The following POLR3B variants were observed in gnomAD, a reference collection of about 807,000 sequenced individuals.
POLR3B encodes the protein RNA polymerase III subunit B.
POLR3B carries 96 observed loss-of-function variants against 147.4 expected under a neutral mutation model. The observed-to-expected ratio is 0.65, with a 90% CI of 0.55 to 0.77. The LOEUF (loss-of-function observed/expected upper bound fraction) is 0.77. POLR3B is among the 30% of genes least tolerant of loss of function. The probability of loss-of-function intolerance (pLI) is 0.00; values close to 1 mark genes in which losing one functional copy is unlikely to be tolerated. For synonymous variants in POLR3B, 461 were observed against 485.9 expected, an observed-to-expected ratio of 0.95 and a Z score of 0.67; for missense variants, 1,036 against 1,413.5, an observed-to-expected ratio of 0.73 and a Z score of 4.28.
intron 10 of POLR3B, among the ~76,000 whole-genome samples, chr12:106,394,799 G>A (rs1379236638): frequency 6.6e-6 from 1 of 152,162 alleles, no homozygotes; most frequent in Non-Finnish European, 1.5e-5. Context: ...CCTTTTCCTC[G>A]AAAGGGAAGT....
chr12:106,444,890 A>G lies in POLR3B; in HGVS notation c.2083+300A>G, dbSNP rs2037701490. Among the ~76,000 whole-genome samples the G allele has an allele frequency of 3.3e-5, 5 of 152,212 alleles. 1 individual carries two copies. In the South Asian group the frequency reaches 8.3e-4, roughly 25 times the overall value. On this transcript the variant is annotated intron_variant, in intron 19 of 27. Coordinates refer to ENST00000228347, the MANE Select transcript of POLR3B (RefSeq NM_018082.6). ...GGATAAATATAAAGAGAAAAGCCCT[A>G]TAAGATGTAACTTGTTAACCTTGAG... is the stretch of plus-strand genomic sequence containing the variant.
At chr12:106,499,322 A>G (rs1345021797) in intron 25 of POLR3B, among the ~76,000 whole-genome samples, 1 of 152,164 alleles carries the variant, frequency 6.6e-6, no homozygotes. Flanking sequence ...AAAGAATTGG[A>G]TGGGTTATAT....
chr12:106,430,623 C>A, intron 14 of POLR3B, 150 bp downstream of exon 14: 2 of 701,378 alleles, frequency 2.9e-6, no homozygotes, highest in South Asian at 1.5e-5. Flanking sequence ...TATTGACATG[C>A]TTGGAAGACT....
In POLR3B at chr12:106,503,746, T is replaced by C. The variant is rs75756659; in HGVS notation, c.3099-335T>C. Among the ~76,000 whole-genome samples the C allele has an allele frequency of 6.8e-3, 1,043 of 152,376 alleles. 18 individuals carry two copies. The highest frequency in any genetic ancestry group is 0.024 in the African/African-American group (1,004 of 41,594). ...TCCTGATTTGAAAACTCTGCTGTCC[T>C]AATAATAATGATAGTGATGGTAATA... On this transcript the variant is annotated intron_variant, in intron 26 of 27. Coordinates refer to ENST00000228347, the MANE Select transcript of POLR3B (RefSeq NM_018082.6).
At position 106,504,776 on chromosome 12, in the gene POLR3B, A is replaced by G. The variant is rs534530592; in HGVS notation, c.3272+522A>G. Among the ~76,000 whole-genome samples, 8 of 152,282 alleles carry G rather than the reference A, an allele frequency of 5.3e-5. No individual in the cohort carries two copies. The highest frequency in any genetic ancestry group is 1.9e-4 in the African/African-American group (8 of 41,564). The stretch of plus-strand genomic sequence containing the variant: ...CCATGGCTAGCTGCTTCACACTTGT[A>G]CTGTAGATTCTGTGAGGGCAGAAAC... On this transcript the variant is annotated intron_variant, in intron 27 of 27. Coordinates refer to ENST00000228347, the MANE Select transcript of POLR3B (RefSeq NM_018082.6). The surrounding 1 kb of genome is among the most constrained non-coding windows in gnomAD (Gnocchi z 4.6).
chr12:106,490,927 G>A (rs2038399441), intron 23 of POLR3B, among the ~76,000 whole-genome samples: 1 of 152,104 alleles, frequency 6.6e-6, no homozygotes. Context: ...CCCAGGCCTC[G>A]TGAAAGTTAT....
intron 1 of POLR3B, 52 bp downstream of exon 1, chr12:106,358,003 G>C: frequency 6.3e-7 from 1 of 1,599,100 alleles, no homozygotes; most frequent in Non-Finnish European, 8.5e-7. Context: ...GCCCTGAGGG[G>C]GCGTTGCCCG....
At position 106,383,116 on chromosome 12, in the gene POLR3B, A is replaced by G. The variant is rs139777830; in HGVS notation, c.723+2977A>G. ...ATGAACCAACCTCTGCTAGTTTCCA[A>G]CTTTTCTTCTGCCTCTTCCTCACCT... On this transcript the variant is annotated intron_variant, in intron 9 of 27. Transcript: ENST00000228347. Among the ~76,000 whole-genome samples the G allele has an allele frequency of 4.6e-5, 7 of 152,238 alleles. No homozygotes were observed. The East Asian group carries it at 7.7e-4, about 17-fold the overall frequency.
At chr12:106,397,392 CT>C (rs1593017504) in intron 10 of POLR3B, among the ~76,000 whole-genome samples, 1 of 152,192 alleles carries the variant, frequency 6.6e-6, no homozygotes, top group East Asian at 1.9e-4. Flanking sequence ...AGAGTTCCCC[CT>C]CATGCCCCTT....
chr12:106,470,189 T>C (rs1278933663), intron 23 of POLR3B, among the ~76,000 whole-genome samples: 1 of 152,184 alleles, frequency 6.6e-6, no homozygotes, highest in Non-Finnish European at 1.5e-5. Flanking sequence ...TCTTGATTTA[T>C]TTCATTACTT....
intron 7 of POLR3B, 144 bp downstream of exon 7, chr12:106,376,594 C>G (rs1286603518): frequency 1.4e-6 from 1 of 700,794 alleles, no homozygotes; most frequent in African/African-American, 1.8e-5. Flanking sequence ...AAATTTGTCT[C>G]TAGCTTTATG....
intron 11 of POLR3B, among the ~76,000 whole-genome samples, chr12:106,409,462 G>T (rs1270907297): frequency 6.8e-6 from 1 of 147,596 alleles, no homozygotes; most frequent in Non-Finnish European, 1.5e-5. Flanking sequence ...AGCTTTTAGG[G>T]CTACTTTTTC....
intron 23 of POLR3B, among the ~76,000 whole-genome samples, chr12:106,480,018 T>TTTA (rs1160095782): frequency 1.1e-3 from 160 of 151,322 alleles, no homozygotes; most frequent in Non-Finnish European, 2.0e-3. Flanking sequence ...TTTGGCTTTT[T>TTTA]TTATTATTAT....
chr12:106,503,684 A>G (rs927826995), intron 26 of POLR3B, among the ~76,000 whole-genome samples: 5 of 152,238 alleles, frequency 3.3e-5, no homozygotes, highest in Non-Finnish European at 7.3e-5. Flanking sequence ...AAATAATAGA[A>G]TACTGAGACT....
At position 106,429,289 on chromosome 12, in the gene POLR3B, A is replaced by G. The variant is rs533783421; in HGVS notation, c.1264-984A>G. The stretch of plus-strand genomic sequence containing the variant: ...CACATAGCTAGAAATACAGACGTGC[A>G]CCACCACGCCCAGCTAGTTTTTGTA... On this transcript the variant is annotated intron_variant, in intron 13 of 27. Transcript: ENST00000228347. Among the ~76,000 whole-genome samples, 143 of 152,252 alleles carry G rather than the reference A, an allele frequency of 9.4e-4. 1 individual carries two copies. The highest frequency in any genetic ancestry group is 3.3e-3 in the African/African-American group (138 of 41,540).
chr12:106,427,223 G>C lies in POLR3B; in HGVS notation c.1128G>C (p.Leu376Phe). The change falls in exon 13 of 28, where the codon TTG (leucine) becomes TTC (phenylalanine). Residue 376 changes from leucine (L) to phenylalanine (F), a missense_variant. Around this residue, in one of 12 missense-constraint regions of POLR3B, gnomAD observed 89 missense variants for 110.9 expected, o/e 0.80. Transcript: ENST00000228347. ...TTTTATCTCTTCTTTTTGAAGACTT[G>C]TTCAAAAAATTTAATTCTGAAATGA... The part of the protein sequence containing the change: ...GQLLSLLFED[L>F]FKKFNSEMKK... The C allele has an allele frequency of 6.8e-7, 1 of 1,463,380 alleles. No individual in the cohort carries two copies. Among genetic ancestry groups the C allele is most frequent in the Non-Finnish European group, 9.2e-7 (1 of 1,085,364 alleles). 90.6% of individuals were successfully genotyped at this position (1,463,380 alleles called of 1,614,324 possible). A position where few individuals can be genotyped will look rare whatever the true frequency, so the allele number is the denominator to read the frequency against.
intron 23 of POLR3B, among the ~76,000 whole-genome samples, chr12:106,477,989 C>T (rs1288543222): frequency 6.8e-6 from 1 of 148,090 alleles, no homozygotes; most frequent in Non-Finnish European, 1.5e-5. Flanking sequence ...AGTGCAACCT[C>T]CACCTCCCGG....
chr12:106,383,873 G>C (rs2036797803), intron 9 of POLR3B, among the ~76,000 whole-genome samples: 1 of 151,948 alleles, frequency 6.6e-6, no homozygotes, highest in Non-Finnish European at 1.5e-5. Context: ...AGCTACTTGG[G>C]AGGCTGAGGC....
intron 7 of POLR3B, 137 bp from the exon 8 acceptor site, chr12:106,378,130 C>G: frequency 2.9e-6 from 2 of 691,634 alleles, no homozygotes; most frequent in Non-Finnish European, 5.3e-6. Flanking sequence ...ATCAGCAACC[C>G]CTTTGAATCA....
Sources: gnomAD v4.1 joint callset for allele counts (sites outside exome capture counted in the v4.1 genomes callset) on GRCh38, gnomAD v4.1.1 for gene constraint, gnomAD v4.1.1 regional missense constraint, Gnocchi (gnomAD v3.1) non-coding constraint, MANE v1.5 for transcripts, NCBI Gene and HGNC (gene_info 2026-07-23, HGNC 2026-07-21) for gene names.